The following CHST3 variants were observed in gnomAD, a reference collection of about 807,000 sequenced individuals.
CHST3 encodes the protein carbohydrate sulfotransferase 3, also known as C6ST-1.
In CHST3, 20 loss-of-function variants were observed where a neutral mutation model predicts 35.4. The observed-to-expected ratio is 0.57, with a 90% CI of 0.40 to 0.82. CHST3 has a LOEUF of 0.82. CHST3 is among the 40% of genes least tolerant of loss of function. CHST3 has a pLI of 0.00. For synonymous variants in CHST3, 334 were observed against 295.9 expected (o/e 1.13, Z -1.32); for missense variants, 693 against 670.1 (o/e 1.03, Z -0.38).
intron 1 of CHST3, among the ~76,000 whole-genome samples, chr10:71,977,536 A>G (rs1455325518): frequency 6.8e-6 from 1 of 148,122 alleles, no homozygotes; most frequent in Non-Finnish European, 1.5e-5. Flanking sequence ...TGCAGCCTTG[A>G]CCTCCCAACC....
chr10:71,999,971 A>G (rs1021291736), intron 1 of CHST3, among the ~76,000 whole-genome samples: 1 of 152,180 alleles, frequency 6.6e-6, no homozygotes, highest in African/African-American at 2.4e-5. Context: ...GAGAGGCTGG[A>G]TGGAAACAAG....
Position 72,008,385 on chromosome 10 carries a change from G to C in CHST3, c.1354G>C (p.Gly452Arg). The change falls in exon 3 of 3, where the codon GGC becomes CGC. Residue 452 changes from glycine (G) to arginine (R), a missense_variant. Coordinates refer to ENST00000373115, the MANE Select transcript of CHST3 (RefSeq NM_004273.5). ...AACGPAMRLFGYKLARDAAAL... is the reference protein window; with the variant it reads ...AACGPAMRLFRYKLARDAAAL... ...CTGCGGCCCTGCCATGCGCCTCTTC[G>C]GCTACAAACTGGCGCGGGACGCCGC... 1 of 1,569,384 alleles carries C rather than the reference G, an allele frequency of 6.4e-7. No homozygotes were observed. The highest frequency in any genetic ancestry group is 8.6e-7 in the Non-Finnish European group (1 of 1,158,034).
At chr10:71,978,365 TA>T (rs59485657) in intron 1 of CHST3, among the ~76,000 whole-genome samples, 2,765 of 133,128 alleles carry the variant, frequency 0.021, 56 homozygotes, top group African/African-American at 0.051. Context: ...GCCTCCGTCT[TA>T]AAAAAAAAAA....
chr10:71,983,848 T>C (rs1252149011), intron 1 of CHST3, among the ~76,000 whole-genome samples: 1 of 152,224 alleles, frequency 6.6e-6, no homozygotes, highest in Non-Finnish European at 1.5e-5. Flanking sequence ...AGGCAGGGAA[T>C]GTAAGGCCAA....
intron 1 of CHST3, among the ~76,000 whole-genome samples, chr10:71,978,739 G>A (rs1470488881): frequency 6.6e-6 from 1 of 152,172 alleles, no homozygotes; most frequent in African/African-American, 2.4e-5. Context: ...GTGAAGAACC[G>A]GCCTCTAGGG....
At position 72,013,197 on chromosome 10, in the gene CHST3, G is replaced by T; in HGVS notation, c.*4726G>T. The T allele has an allele frequency of 6.6e-6, 1 of 152,522 alleles. No homozygotes were observed. Among genetic ancestry groups the T allele is most frequent in the Non-Finnish European group, 1.5e-5 (1 of 68,208 alleles). The allele number at this position is 152,522 out of a possible 1,614,324, so 9.4% of individuals were successfully genotyped here. On this transcript the variant is annotated 3_prime_UTR_variant, in exon 3 of 3. Transcript: ENST00000373115. ...CCCAGGTCCTGCACACTGTCTTTTT[G>T]CCAACACCTCAGCCCTGTTTGCTAT...
At chr10:71,991,482 A>G (rs1226300886) in intron 1 of CHST3, among the ~76,000 whole-genome samples, 4 of 152,160 alleles carry the variant, frequency 2.6e-5, no homozygotes, top group Admixed American at 2.0e-4. Context: ...CAAAACCCCA[A>G]AACCTTTTGT....
At chr10:71,990,972 C>A (rs1410365385) in intron 1 of CHST3, among the ~76,000 whole-genome samples, 3 of 152,172 alleles carry the variant, frequency 2.0e-5, no homozygotes, top group South Asian at 4.1e-4. Context: ...TTTTCTCTTG[C>A]GTCACATCTG....
chr10:72,002,231 G>A (rs1031530292), intron 1 of CHST3, among the ~76,000 whole-genome samples: 2 of 152,202 alleles, frequency 1.3e-5, no homozygotes, highest in Admixed American at 1.3e-4. Context: ...TTAGGGCAGC[G>A]TCAAGAAGGA....
intron 1 of CHST3, among the ~76,000 whole-genome samples, chr10:71,979,879 G>A (rs1014559930): frequency 7.9e-5 from 12 of 152,154 alleles, no homozygotes; most frequent in African/African-American, 1.2e-4. Context: ...AGGCCTACCC[G>A]GTGGGTGGGA....
chr10:71,974,993 G>A (rs1468395351), intron 1 of CHST3, among the ~76,000 whole-genome samples: 1 of 152,232 alleles, frequency 6.6e-6, no homozygotes, highest in Non-Finnish European at 1.5e-5. Context: ...TGGGTGGGGA[G>A]GGGACAGCTC....
At chr10:71,979,355 G>GT (rs1160480119) in intron 1 of CHST3, among the ~76,000 whole-genome samples, 2 of 151,958 alleles carry the variant, frequency 1.3e-5, no homozygotes, top group Middle Eastern at 3.4e-3. Flanking sequence ...TTTCTTTTTT[G>GT]TTTTTTTAGA....
intron 1 of CHST3, among the ~76,000 whole-genome samples, chr10:71,981,597 C>T (rs996030691): frequency 6.6e-6 from 1 of 152,240 alleles, no homozygotes; most frequent in Admixed American, 6.5e-5. Flanking sequence ...AGGCCTGAGC[C>T]TCTGTCTGCC....
At chr10:71,978,365 TAAA>T (rs59485657) in intron 1 of CHST3, among the ~76,000 whole-genome samples, 1 of 133,276 alleles carries the variant, frequency 7.5e-6, no homozygotes, top group African/African-American at 2.8e-5. Flanking sequence ...GCCTCCGTCT[TAAA>T]AAAAAAAAAA....
intron 1 of CHST3, among the ~76,000 whole-genome samples, chr10:71,967,144 C>T (rs954379427): frequency 6.6e-6 from 1 of 152,164 alleles, no homozygotes; most frequent in African/African-American, 2.4e-5. Context: ...CTGGCACCAC[C>T]ATGCCTGACT....
chr10:72,004,933 C>G (rs1438899875), intron 1 of CHST3, among the ~76,000 whole-genome samples: 1 of 152,152 alleles, frequency 6.6e-6, no homozygotes, highest in Non-Finnish European at 1.5e-5. Context: ...AGTTCAAGAC[C>G]AGGCTGGGCA....
intron 1 of CHST3, among the ~76,000 whole-genome samples, chr10:71,992,925 G>T (rs1472877569): frequency 6.6e-6 from 1 of 152,176 alleles, no homozygotes; most frequent in Non-Finnish European, 1.5e-5. Flanking sequence ...GCCCCCCAAA[G>T]TGTGGGGATT....
In CHST3 at chr10:72,007,798, A is replaced by G. The variant is rs757896210; in HGVS notation, c.767A>G (p.Asn256Ser). ...HCKNRRCGPL[N>S]VTLAAEACRR... ...AAGAACCGCCGCTGCGGCCCCCTCA[A>G]CGTGACGCTGGCCGCAGAGGCCTGC... is the stretch of plus-strand genomic sequence containing the variant. The change falls in exon 3 of 3, where the codon AAC (asparagine) becomes AGC (serine). Residue 256 changes from asparagine to serine, a missense_variant. Asn to Ser is a conservative substitution (Grantham distance 46). Coordinates refer to ENST00000373115, the MANE Select transcript of CHST3 (RefSeq NM_004273.5). 2 of 1,601,462 alleles carry G rather than the reference A, an allele frequency of 1.2e-6. No individual in the cohort carries two copies. The highest frequency in any genetic ancestry group is 8.5e-7 in the Non-Finnish European group (1 of 1,179,464).
At position 71,988,066 on chromosome 10, in the gene CHST3, T is replaced by C. The variant is rs546181366; in HGVS notation, c.-107-17670T>C. 2.0e-5 allele frequency among the ~76,000 whole-genome samples: 3 copies of C among 152,350 alleles called. No individual in the cohort carries two copies. The East Asian group carries it at 5.8e-4, about 29-fold the overall frequency. On this transcript the variant is annotated intron_variant, in intron 1 of 2. Transcript: ENST00000373115. ...AGCATGTGCACGTATGATGCACCCA[T>C]TGCATGTATACGTACATGCACACAT...
Sources: gnomAD v4.1 joint callset for allele counts (sites outside exome capture counted in the v4.1 genomes callset) on GRCh38, gnomAD v4.1.1 for gene constraint, MANE v1.5 for transcripts, NCBI Gene and HGNC (gene_info 2026-07-23, HGNC 2026-07-21) for gene names.